The following AGPAT3 variants were observed in gnomAD, a reference collection of about 807,000 sequenced individuals.
The protein encoded by AGPAT3 is 1-acyl-sn-glycerol-3-phosphate acyltransferase gamma.
Under a neutral mutation model 47.3 loss-of-function variants are expected in AGPAT3, and 5 were observed. That is an observed-to-expected ratio of 0.11 (90% CI 0.06 to 0.22). The LOEUF is 0.22. Ranked by LOEUF, AGPAT3 falls within the 10% of genes least tolerant of loss-of-function variation. AGPAT3 has a pLI of 1.00. For synonymous variants in AGPAT3, 212 were observed against 208.3 expected, an observed-to-expected ratio of 1.02 and a Z score of -0.15; for missense variants, 315 against 493.0, an observed-to-expected ratio of 0.64 and a Z score of 3.42.
chr21:43,942,162 G>A (rs1266774499), intron 2 of AGPAT3, among the ~76,000 whole-genome samples: 1 of 152,270 alleles, frequency 6.6e-6, no homozygotes. Context: ...CGACCTGGGA[G>A]CTTCCGGAAC....
At chr21:43,883,162 C>T (rs1006341960) in intron 1 of AGPAT3, among the ~76,000 whole-genome samples, 4 of 152,198 alleles carry the variant, frequency 2.6e-5, no homozygotes, top group Non-Finnish European at 4.4e-5. Context: ...GCCTCCTGCC[C>T]GGGTCACTCC....
intron 2 of AGPAT3, among the ~76,000 whole-genome samples, chr21:43,927,665 T>G (rs1004303844): frequency 2.6e-5 from 4 of 152,198 alleles, no homozygotes; most frequent in African/African-American, 9.7e-5. Flanking sequence ...GATCCTTGGC[T>G]CCTATCTGTG....
intron 1 of AGPAT3, among the ~76,000 whole-genome samples, chr21:43,896,836 CTTTTA>C (rs1390462150): frequency 6.9e-6 from 1 of 144,992 alleles, no homozygotes; most frequent in African/African-American, 2.6e-5. Flanking sequence ...TTGCATGTCT[CTTTTA>C]TTTTTTTATT....
chr21:43,981,918 G>A lies in AGPAT3; in HGVS notation c.1043-386G>A, dbSNP rs1799262754. ...GACTTGAGGCCACCCACAGAGGACA[G>A]GATGTGACCTGCTTACATCCGAGGG... On this transcript the variant is annotated intron_variant, in intron 9 of 9. Coordinates refer to ENST00000291572, the MANE Select transcript of AGPAT3 (RefSeq NM_020132.5). This position sits in a 1 kb window ranked among gnomAD's most constrained non-coding sequence, Gnocchi z 5.3. 6.6e-6 allele frequency among the ~76,000 whole-genome samples: 1 copy of A among 152,218 alleles called. No individual in the cohort carries two copies. Among genetic ancestry groups the A allele is most frequent in the Admixed American group, 6.5e-5 (1 of 15,290 alleles).
Position 43,934,840 on chromosome 21 carries a change from C to T in AGPAT3, c.-48-24794C>T, listed in dbSNP as rs548538617. 1.7e-3 allele frequency among the ~76,000 whole-genome samples: 261 copies of T among 151,086 alleles called. No individual in the cohort carries two copies. The highest frequency in any genetic ancestry group is 1.8e-3 in the Non-Finnish European group (123 of 67,682). Reference sequence around the variant, plus strand: ...CCACCTCTACCCCTCACGTCACCGACGCCACTCACATGCCACTCACATGCC... The same window carrying T: ...CCACCTCTACCCCTCACGTCACCGATGCCACTCACATGCCACTCACATGCC... On this transcript the variant is annotated intron_variant, in intron 2 of 9. Transcript: ENST00000291572. This position sits in a 1 kb window ranked among gnomAD's most constrained non-coding sequence, Gnocchi z 4.7.
chr21:43,959,305 GGT>G (rs752623399), intron 2 of AGPAT3, among the ~76,000 whole-genome samples: 8 of 131,254 alleles, frequency 6.1e-5, no homozygotes, highest in Non-Finnish European at 9.9e-5. Flanking sequence ...GATGAGCTGT[GGT>G]GTGTGGCGTG....
At position 43,955,991 on chromosome 21, in the gene AGPAT3, A is replaced by G. The variant is rs1377913567; in HGVS notation, c.-48-3643A>G. On this transcript the variant is annotated intron_variant, in intron 2 of 9. Transcript: ENST00000291572. This position sits in a 1 kb window ranked among gnomAD's most constrained non-coding sequence, Gnocchi z 4.1. ...TGGAGCCCGGGCATCTGCTTCTCGGAGCATCACAGCTGATGTGCTGGCCCT... is the reference window on the plus strand; with the variant it reads ...TGGAGCCCGGGCATCTGCTTCTCGGGGCATCACAGCTGATGTGCTGGCCCT... 7.2e-5 allele frequency among the ~76,000 whole-genome samples: 11 copies of G among 151,760 alleles called. No homozygotes were observed. The highest frequency in any genetic ancestry group is 5.9e-4 in the Admixed American group (9 of 15,244).
Position 43,930,856 on chromosome 21 carries a change from G to T in AGPAT3, c.-49+26837G>T, listed in dbSNP as rs1235444520. Among the ~76,000 whole-genome samples the T allele has an allele frequency of 1.3e-5, 2 of 152,150 alleles. No homozygotes were observed. The highest frequency in any genetic ancestry group is 2.9e-5 in the Non-Finnish European group (2 of 68,012). On this transcript the variant is annotated intron_variant, in intron 2 of 9. Coordinates refer to ENST00000291572, the MANE Select transcript of AGPAT3 (RefSeq NM_020132.5). The surrounding 1 kb of genome is among the most constrained non-coding windows in gnomAD (Gnocchi z 5.0). The stretch of plus-strand genomic sequence containing the variant: ...AAGCTGCTGGTGACAAACGCAAGGG[G>T]CCTGCTGCCCTGTCCCCTCGGGCGG...
At chr21:43,957,284 C>T (rs113026167) in intron 2 of AGPAT3, among the ~76,000 whole-genome samples, 2 of 152,290 alleles carry the variant, frequency 1.3e-5, no homozygotes, top group African/African-American at 4.8e-5. Context: ...GAGCCTTGCT[C>T]TGGGTGCAAG....
rs1022513980 is a variant in AGPAT3, at chr21:43,982,061, C to T, written c.1043-243C>T. 9.9e-5 allele frequency among the ~76,000 whole-genome samples: 15 copies of T among 152,234 alleles called. No individual in the cohort carries two copies. Among genetic ancestry groups the T allele is most frequent in the African/African-American group, 3.6e-4 (15 of 41,456 alleles). On this transcript the variant is annotated intron_variant, in intron 9 of 9. Transcript: ENST00000291572. The surrounding 1 kb of genome is among the most constrained non-coding windows in gnomAD (Gnocchi z 6.2). The stretch of plus-strand genomic sequence containing the variant: ...AGAGGGGCAGGCAGGGCAAGGTCCA[C>T]GTGTCCACCTGCCTCGGACCCAGCC...
rs1271297930 is a variant in AGPAT3 at position 43,954,565 on chromosome 21, G to A, written c.-48-5069G>A. The A allele has an allele frequency of 6.6e-6, 1 of 152,354 alleles. No individual in the cohort carries two copies. The highest frequency in any genetic ancestry group is 2.4e-5 in the African/African-American group (1 of 41,482). 9.4% of individuals were successfully genotyped at this position (152,354 alleles called of 1,614,324 possible). On this transcript the variant is annotated intron_variant, in intron 2 of 9. Transcript: ENST00000291572. This position sits in a 1 kb window ranked among gnomAD's most constrained non-coding sequence, Gnocchi z 4.0. ...CCGTATCTAGGACCTCCAGGACGTA[G>A]AGGTTGATGATCCGGGCAGGTGGCC...
In AGPAT3 at chr21:43,922,144, C is replaced by G. The variant is rs1485981028; in HGVS notation, c.-49+18125C>G. Among the ~76,000 whole-genome samples, 2 of 152,084 alleles carry G rather than the reference C, an allele frequency of 1.3e-5. No individual in the cohort carries two copies. The highest frequency in any genetic ancestry group is 2.9e-5 in the Non-Finnish European group (2 of 68,026). On this transcript the variant is annotated intron_variant, in intron 2 of 9. Coordinates refer to ENST00000291572, the MANE Select transcript of AGPAT3 (RefSeq NM_020132.5). This position sits in a 1 kb window ranked among gnomAD's most constrained non-coding sequence, Gnocchi z 4.9. The stretch of plus-strand genomic sequence containing the variant: ...TCACCTGGGGACGGGGATGAGTCAC[C>G]CGGGGGCCTTGGTGCATGTGGAGGC...
chr21:43,903,845 A>AG (rs2086416861), intron 1 of AGPAT3, 112 bp from the exon 2 acceptor site: 1 of 152,316 alleles, frequency 6.6e-6, no homozygotes, highest in African/African-American at 2.4e-5. Context: ...CGTGCTTGTC[A>AG]GTCTCCCTGA....
chr21:43,947,898 T>C (rs138561046), intron 2 of AGPAT3, among the ~76,000 whole-genome samples: 1 of 152,228 alleles, frequency 6.6e-6, no homozygotes, highest in East Asian at 1.9e-4. Flanking sequence ...TCAAGTGATC[T>C]GCCCACCTTG....
In AGPAT3 at chr21:43,980,965, CTTTT is replaced by C. The variant is rs1486274202; in HGVS notation, c.844-22_844-19del. On this transcript the variant is annotated intron_variant, in intron 8 of 9. Transcript: ENST00000291572. ...AGCTTGTAAAGAAGCCTCACGCTTCCTTTTTCTCTGTTGACTCTTCTAGGACGCG... is the reference window on the plus strand; with the variant it reads ...AGCTTGTAAAGAAGCCTCACGCTTCCTCTCTGTTGACTCTTCTAGGACGCG... 2 of 1,604,188 alleles carry C rather than the reference CTTTT, an allele frequency of 1.2e-6. No individual in the cohort carries two copies. Among genetic ancestry groups the C allele is most frequent in the Non-Finnish European group, 1.7e-6 (2 of 1,171,390 alleles).
intron 1 of AGPAT3, among the ~76,000 whole-genome samples, chr21:43,893,304 C>T (rs756750734): frequency 6.4e-4 from 98 of 152,344 alleles, no homozygotes; most frequent in Admixed American, 1.2e-3. Context: ...CCTCAACTGT[C>T]TCAACCTTCA....
At chr21:43,950,151 A>G (rs2088120022) in intron 2 of AGPAT3, among the ~76,000 whole-genome samples, 1 of 152,162 alleles carries the variant, frequency 6.6e-6, no homozygotes, top group African/African-American at 2.4e-5. Flanking sequence ...AAACTCTGTG[A>G]TTGTCTTGGT....
At chr21:43,866,845 G>A (rs567443381) in intron 1 of AGPAT3, among the ~76,000 whole-genome samples, 4 of 152,356 alleles carry the variant, frequency 2.6e-5, no homozygotes, top group African/African-American at 4.8e-5. Context: ...CTGTCCTGGC[G>A]TATCTGCCAG....
intron 2 of AGPAT3, among the ~76,000 whole-genome samples, chr21:43,913,404 G>A (rs1455040546): frequency 6.6e-6 from 1 of 152,066 alleles, no homozygotes; most frequent in Non-Finnish European, 1.5e-5. Flanking sequence ...GGGCAACATG[G>A]TGAAACCCCG....
Sources: allele counts gnomAD v4.1 joint callset (sites outside exome capture counted in the v4.1 genomes callset), GRCh38; gene constraint gnomAD v4.1.1; non-coding constraint Gnocchi (gnomAD v3.1); transcripts MANE v1.5; gene names NCBI Gene and HGNC (gene_info 2026-07-23, HGNC 2026-07-21).